The following TBX22 variants were observed in gnomAD, a reference collection of about 807,000 sequenced individuals.
TBX22 encodes T-box transcription factor 22.
TBX22 carries 8 observed loss-of-function variants against 30.1 expected under a neutral mutation model. The observed-to-expected ratio is 0.27, with a 90% CI of 0.16 to 0.48. TBX22 has a LOEUF of 0.48. Ranked by LOEUF, TBX22 falls within the 20% of genes least tolerant of loss-of-function variation. The pLI is 0.99. For synonymous variants in TBX22, 173 were observed against 149.1 expected (o/e 1.16, Z -1.17); for missense variants, 463 against 400.5 (o/e 1.16, Z -1.33).
intron 6 of TBX22, 105 bp from the exon 7 acceptor site, chrX:80,027,151 C>T (rs1240761719): frequency 9.6e-6 from 5 of 522,792 alleles, no homozygotes; most frequent in Non-Finnish European, 1.4e-5. Context: ...GTCATATTAA[C>T]GTGTTTCAAC....
At chrX:80,026,906 C>A (rs749744019) in intron 6 of TBX22, 38 bp downstream of exon 6, 1 of 1,181,370 alleles carries the variant, frequency 8.5e-7, no homozygotes, top group African/African-American at 1.8e-5. Context: ...GGAAATGGCT[C>A]CAGAGGGACC....
At chrX:80,024,790 T>C (rs1402642640) in intron 4 of TBX22, among the ~76,000 whole-genome samples, 1 of 111,661 alleles carries the variant, frequency 9.0e-6, no homozygotes, top group Non-Finnish European at 1.9e-5. Flanking sequence ...GCCCAACTGT[T>C]TTAAAGCCAA....
chrX:80,024,082 C>G lies in TBX22; in HGVS notation c.376C>G (p.Arg126Gly). ...TTACAGGCGGATGTTCCCCTCTGTT[C>G]GGGTCAAGGTGAAAGGGTTGGATCC... ...KAGRRMFPSV[R>G]VKVKGLDPGK... The change falls in exon 4 of 9, where the codon CGG becomes GGG. Residue 126 changes from arginine to glycine, a missense_variant. By Grantham distance (125) the Arg-to-Gly change is moderately radical. Transcript: ENST00000373296. 8.3e-7 allele frequency: 1 copy of G among 1,211,009 alleles called. No homozygotes were observed. Among genetic ancestry groups the G allele is most frequent in the Non-Finnish European group, 1.1e-6 (1 of 895,070 alleles).
intron 1 of TBX22, among the ~76,000 whole-genome samples, chrX:80,019,631 C>T (rs764933746): frequency 7.2e-5 from 8 of 111,042 alleles, no homozygotes; most frequent in South Asian, 3.8e-4. Context: ...TTAGTACATG[C>T]GCCTCAGGCC....
intron 1 of TBX22, among the ~76,000 whole-genome samples, chrX:80,016,238 T>C (rs1923429272): frequency 8.9e-6 from 1 of 112,334 alleles, no homozygotes; most frequent in East Asian, 2.8e-4. Context: ...AAATATATTG[T>C]AAATATCCAG....
intron 1 of TBX22, among the ~76,000 whole-genome samples, chrX:80,016,550 A>T (rs1273110916): frequency 3.6e-5 from 4 of 112,259 alleles, no homozygotes; most frequent in Non-Finnish European, 7.5e-5. Context: ...ATCTCCGTTC[A>T]AGTGATCTGA....
At chrX:80,018,134 T>C (rs889322380) in intron 1 of TBX22, among the ~76,000 whole-genome samples, 1 of 112,176 alleles carries the variant, frequency 8.9e-6, no homozygotes, top group Non-Finnish European at 1.9e-5. Context: ...TTATATTGAA[T>C]TAAGCTAACC....
Position 80,025,029 on chromosome X carries a change from G to T in TBX22, c.459-574G>T, listed in dbSNP as rs769432211. 2.1e-4 allele frequency among the ~76,000 whole-genome samples: 23 copies of T among 112,080 alleles called. 1 individual carries two copies. The East Asian group carries it at 6.5e-3, about 32-fold the overall frequency. On this transcript the variant is annotated intron_variant, in intron 4 of 8. Coordinates refer to ENST00000373296, the MANE Select transcript of TBX22 (RefSeq NM_001109878.2). ...AAGGCTCTGCTCAGAGGACTGCTGG[G>T]GCTGCAGTATGGAAACAGCAGAAAA... is the stretch of plus-strand genomic sequence containing the variant.
chrX:80,026,667 C>A, intron 5 of TBX22, 37 bp from the exon 6 acceptor site: 1 of 1,204,212 alleles, frequency 8.3e-7, no homozygotes, highest in Non-Finnish European at 1.1e-6. Context: ...GGGACTGAAG[C>A]CAGTTTTTCT....
rs1470640756 is a variant in TBX22, at chrX:80,030,603, C to T, written c.1055C>T (p.Thr352Ile). The change falls in exon 9 of 9, where the codon ACA becomes ATA. Residue 352 changes from threonine to isoleucine, a missense_variant. By Grantham distance (89) the Thr-to-Ile change is moderately conservative. Transcript: ENST00000373296. ...TTTTCACCTATGTTTCATTTACCTA[C>T]AAGCTCCCTTGGAATGCCCTGTCCA... ...LCFSPMFHLP[T>I]SSLGMPCPEA... 8.3e-7 allele frequency: 1 copy of T among 1,209,881 alleles called. No homozygotes were observed. Among genetic ancestry groups the T allele is most frequent in the African/African-American group, 1.7e-5 (1 of 57,170 alleles).
Position 80,030,381 on chromosome X carries a change from A to C in TBX22, c.950-117A>C. ...CTCAAAGAAGCTAAAAGAACTGTGA[A>C]CTCACAAGGAAAATTAATCTAAGGA... On this transcript the variant is annotated intron_variant, in intron 8 of 8. Coordinates refer to ENST00000373296, the MANE Select transcript of TBX22 (RefSeq NM_001109878.2). The C allele has an allele frequency of 9.5e-6, 9 of 947,494 alleles. No homozygotes were observed. The South Asian group carries it at 1.6e-4, about 17-fold the overall frequency. 78.1% of individuals were successfully genotyped at this position (947,494 alleles called of 1,213,427 possible). A position where few individuals can be genotyped will look rare whatever the true frequency, so the allele number is the denominator to read the frequency against.
chrX:80,017,094 G>T (rs1256784071), intron 1 of TBX22, among the ~76,000 whole-genome samples: 1 of 108,040 alleles, frequency 9.3e-6, no homozygotes, highest in African/African-American at 3.4e-5. Flanking sequence ...AATGTATAAG[G>T]CATAATACCC....
In TBX22 at chrX:80,031,151, A is replaced by G; in HGVS notation, c.*40A>G. The G allele has an allele frequency of 8.6e-7, 1 of 1,164,375 alleles. No individual in the cohort carries two copies. The highest frequency in any genetic ancestry group is 1.2e-6 in the Non-Finnish European group (1 of 861,344). On this transcript the variant is annotated 3_prime_UTR_variant, in exon 9 of 9. Transcript: ENST00000373296. ...TTCTAGAACAATTACATGTAAACAA[A>G]TATTTTCTTTATTTGTAGCCAAAGA...
intron 1 of TBX22, among the ~76,000 whole-genome samples, chrX:80,022,055 C>CACAT (rs1480346528): frequency 9.0e-6 from 1 of 110,559 alleles, no homozygotes; most frequent in African/African-American, 3.3e-5. Context: ...CACACACACA[C>CACAT]ACACACACAC....
chrX:80,024,798 C>A (rs1923895052), intron 4 of TBX22, among the ~76,000 whole-genome samples: 1 of 111,435 alleles, frequency 9.0e-6, no homozygotes, highest in South Asian at 3.8e-4. Context: ...GTTTTAAAGC[C>A]AAAAAGCCCT....
chrX:80,020,306 T>C (rs1293337283), intron 1 of TBX22, among the ~76,000 whole-genome samples: 1 of 110,026 alleles, frequency 9.1e-6, no homozygotes, highest in Non-Finnish European at 1.9e-5. Context: ...GATAGATAGA[T>C]AGATAGATAG....
At chrX:80,022,163 C>T in intron 1 of TBX22, 105 bp from the exon 2 acceptor site, 2 of 780,301 alleles carry the variant, frequency 2.6e-6, no homozygotes, top group Non-Finnish European at 1.9e-6. Context: ...TTCCCGCTTT[C>T]CCTCCTTCCT....
rs897655807 is a variant in TBX22 at position 80,031,558 on chromosome X, T to C, written c.*447T>C. ...CGGCTTTCATGTAATTATCTAGTAG[T>C]TGTAGAAGAAAATTTAATTATTTGT... On this transcript the variant is annotated 3_prime_UTR_variant, in exon 9 of 9. Transcript: ENST00000373296. 7.3e-5 allele frequency: 9 copies of C among 123,309 alleles called. No homozygotes were observed. The highest frequency in any genetic ancestry group is 2.6e-4 in the African/African-American group (8 of 31,008). 10.2% of individuals were successfully genotyped at this position (123,309 alleles called of 1,213,427 possible). A position where few individuals can be genotyped will look rare whatever the true frequency, so the allele number is the denominator to read the frequency against.
At chrX:80,019,327 T>C (rs1923581345) in intron 1 of TBX22, among the ~76,000 whole-genome samples, 1 of 110,363 alleles carries the variant, frequency 9.1e-6, no homozygotes, top group Non-Finnish European at 1.9e-5. Flanking sequence ...AAAAAGGCCA[T>C]GAGTAGCTTG....
Sources: allele counts gnomAD v4.1 joint callset (sites outside exome capture counted in the v4.1 genomes callset), GRCh38; gene constraint gnomAD v4.1.1; transcripts MANE v1.5; gene names NCBI Gene and HGNC (gene_info 2026-07-23, HGNC 2026-07-21).